The following RASA2 variants were observed in gnomAD, a reference collection of about 807,000 sequenced individuals.
The protein encoded by RASA2 is ras GTPase-activating protein 2.
RASA2 carries 155 observed loss-of-function variants against 118.2 expected under a neutral mutation model. The observed-to-expected ratio is 1.31, with a 90% CI of 1.15 to 1.50. RASA2 has a LOEUF of 1.50. Among genes scored for constraint, RASA2 ranks in the 40% most tolerant of loss-of-function variants. The pLI is 0.00. For missense variants in RASA2, 1,016 were observed against 1,009.6 expected (o/e 1.01, Z -0.09); for synonymous variants, 353 against 349.1 (o/e 1.01, Z -0.12).
chr3:141,597,996 A>G (rs1301264627), intron 19 of RASA2, among the ~76,000 whole-genome samples: 2 of 150,764 alleles, frequency 1.3e-5, no homozygotes, highest in Non-Finnish European at 2.9e-5. Context: ...ACAATTTACT[A>G]AAACAGATGC....
chr3:141,502,676 T>A (rs2081801455), intron 1 of RASA2, among the ~76,000 whole-genome samples: 1 of 152,166 alleles, frequency 6.6e-6, no homozygotes, highest in African/African-American at 2.4e-5. Context: ...ATATATGAAG[T>A]CAATGAAAAA....
intron 9 of RASA2, among the ~76,000 whole-genome samples, chr3:141,568,303 C>A (rs930330820): frequency 3.3e-5 from 5 of 151,912 alleles, no homozygotes; most frequent in Non-Finnish European, 7.4e-5. Context: ...AATATGATAA[C>A]ATTTTTGTAA....
At chr3:141,494,802 C>A (rs78920058) in intron 1 of RASA2, among the ~76,000 whole-genome samples, 8,817 of 151,978 alleles carry the variant, frequency 0.058, 883 homozygotes, top group African/African-American at 0.2. Context: ...TGGTGAGTTA[C>A]AGTCTTCTTG....
chr3:141,599,558 T>A (rs1251994891), intron 19 of RASA2, among the ~76,000 whole-genome samples: 1 of 152,218 alleles, frequency 6.6e-6, no homozygotes, highest in African/African-American at 2.4e-5. Context: ...ACATGCTACT[T>A]CTATTACATA....
chr3:141,595,762 G>A (rs770521951), intron 19 of RASA2, among the ~76,000 whole-genome samples: 4 of 151,908 alleles, frequency 2.6e-5, no homozygotes, highest in Admixed American at 2.6e-4. Context: ...CTGTGTACCT[G>A]GGACCACAGG....
In RASA2 at chr3:141,572,636, T is replaced by C; in HGVS notation, c.1197T>C (p.Asn399=). The change falls in exon 12 of 24, where the codon AAT becomes AAC. Residue 399 remains asparagine (N), a synonymous_variant. Transcript: ENST00000286364. The part of the protein sequence containing the change: ...TQDANTIFRG[N]SLATRCLDEM... ...ATGCAAACACAATTTTTAGAGGAAA[T>C]TCCCTGGCTACCCGATGTCTGGATG... The C allele has an allele frequency of 6.2e-7, 1 of 1,613,528 alleles. No homozygotes were observed. Among genetic ancestry groups the C allele is most frequent in the Non-Finnish European group, 8.5e-7 (1 of 1,179,630 alleles).
intron 4 of RASA2, among the ~76,000 whole-genome samples, chr3:141,531,260 C>A (rs2082254521): frequency 6.6e-6 from 1 of 151,762 alleles, no homozygotes; most frequent in Non-Finnish European, 1.5e-5. Flanking sequence ...TTATAAAACT[C>A]ATAAATTTTG....
At chr3:141,590,724 A>G (rs377081301) in intron 19 of RASA2, among the ~76,000 whole-genome samples, 177 of 152,298 alleles carry the variant, frequency 1.2e-3, no homozygotes, top group African/African-American at 4.1e-3. Flanking sequence ...ATAGACCTAA[A>G]TCATTGAGTC....
chr3:141,547,362 C>T (rs149016999), intron 5 of RASA2, among the ~76,000 whole-genome samples: 329 of 152,114 alleles, frequency 2.2e-3, no homozygotes, highest in African/African-American at 7.6e-3. Context: ...TTTGAGTGTC[C>T]TCTTCAATTT....
At chr3:141,563,051 G>A (rs1173127673) in intron 9 of RASA2, among the ~76,000 whole-genome samples, 1 of 152,162 alleles carries the variant, frequency 6.6e-6, no homozygotes, top group Admixed American at 6.5e-5. Flanking sequence ...CTTTGGGTTT[G>A]TCTACCTCAA....
chr3:141,556,236 T>C (rs2082648016), intron 7 of RASA2, among the ~76,000 whole-genome samples: 1 of 152,336 alleles, frequency 6.6e-6, no homozygotes, highest in East Asian at 1.9e-4. Context: ...AGGATTCTTC[T>C]GCAGGGTACC....
At chr3:141,554,541 A>G (rs74414412) in intron 6 of RASA2, among the ~76,000 whole-genome samples, 4,685 of 152,258 alleles carry the variant, frequency 0.031, 240 homozygotes, top group African/African-American at 0.1. Flanking sequence ...CTTCATTATG[A>G]TTTCTTTAAG....
chr3:141,590,498 G>C (rs2083271863), intron 19 of RASA2, among the ~76,000 whole-genome samples: 1 of 152,184 alleles, frequency 6.6e-6, no homozygotes, highest in Non-Finnish European at 1.5e-5. Flanking sequence ...TTATGCCTAA[G>C]ATTAAAAGGC....
intron 4 of RASA2, 43 bp downstream of exon 4, chr3:141,529,845 A>T (rs1455526061): frequency 2.1e-6 from 3 of 1,434,370 alleles, no homozygotes; most frequent in Non-Finnish European, 2.9e-6. Context: ...TGTCACAGGA[A>T]ATGAGTAAAA....
In RASA2 at chr3:141,608,449, G is replaced by A. The variant is rs771926899; in HGVS notation, c.2017-40G>A. ...GTTTTGTACTGTGTGTTGGTTTTTG[G>A]ACTCTTGTCACTAACTTTTTATCTT... On this transcript the variant is annotated intron_variant, in intron 20 of 23. Transcript: ENST00000286364. 37 of 1,588,792 alleles carry A rather than the reference G, an allele frequency of 2.3e-5. No homozygotes were observed. The Admixed American group carries it at 6.0e-4, about 26-fold the overall frequency.
At chr3:141,496,812 T>C (rs1264837746) in intron 1 of RASA2, among the ~76,000 whole-genome samples, 1 of 152,196 alleles carries the variant, frequency 6.6e-6, no homozygotes, top group Non-Finnish European at 1.5e-5. Flanking sequence ...ATCCCATTAC[T>C]GGGTGTATAC....
intron 11 of RASA2, 146 bp from the exon 12 acceptor site, chr3:141,572,463 T>TA (rs1191501571): frequency 1.8e-6 from 1 of 564,538 alleles, no homozygotes; most frequent in African/African-American, 1.9e-5. Context: ...TGGTAAAAAT[T>TA]ACTAAAATTG....
chr3:141,546,815 AATTTC>A (rs1336949692), intron 5 of RASA2, among the ~76,000 whole-genome samples: 7 of 152,150 alleles, frequency 4.6e-5, no homozygotes, highest in South Asian at 4.1e-4. Flanking sequence ...TTCTTGTAGT[AATTTC>A]ATAGTCTGTG....
intron 19 of RASA2, among the ~76,000 whole-genome samples, chr3:141,607,365 T>C (rs1401255915): frequency 6.6e-6 from 1 of 152,120 alleles, no homozygotes; most frequent in African/African-American, 2.4e-5. Context: ...TGAGTCTATT[T>C]TTTCAGTCCC....
Sources: gnomAD v4.1 joint callset for allele counts (sites outside exome capture counted in the v4.1 genomes callset) on GRCh38, gnomAD v4.1.1 for gene constraint, MANE v1.5 for transcripts, NCBI Gene and HGNC (gene_info 2026-07-23, HGNC 2026-07-21) for gene names.